Variants in PITPNB observed in about 807,000 individuals in gnomAD.
PITPNB encodes the protein phosphatidylinositol transfer protein beta.
A neutral mutation model predicts 45.9 loss-of-function variants in PITPNB; 16 were observed. The observed-to-expected ratio is 0.35, with a 90% CI of 0.24 to 0.53. The LOEUF is 0.53. Ranked by LOEUF, PITPNB falls within the 20% of genes least tolerant of loss-of-function variation. The pLI, the probability that PITPNB is intolerant of heterozygous loss-of-function variation, is 0.93. For synonymous variants in PITPNB, 112 were observed against 108.9 expected (o/e 1.03, Z -0.18); for missense variants, 188 against 330.5 (o/e 0.57, Z 3.34).
At chr22:27,865,013 T>C (rs1341687581) in intron 8 of PITPNB, among the ~76,000 whole-genome samples, 1 of 151,450 alleles carries the variant, frequency 6.6e-6, no homozygotes, top group Non-Finnish European at 1.5e-5. Context: ...AAAAGGAGAA[T>C]TAATATAAAT....
intron 3 of PITPNB, among the ~76,000 whole-genome samples, chr22:27,907,830 C>T (rs567404581): frequency 2.6e-5 from 4 of 152,042 alleles, no homozygotes; most frequent in Non-Finnish European, 5.9e-5. Context: ...TAAATACGTG[C>T]CTTAGTGTCT....
intron 7 of PITPNB, among the ~76,000 whole-genome samples, chr22:27,887,452 GCCATTCAAC>G (rs540549172): frequency 4.6e-4 from 70 of 152,186 alleles, no homozygotes; most frequent in African/African-American, 1.7e-3. Flanking sequence ...TCTGGATCTG[GCCATTCAAC>G]CATCCAACCT....
At chr22:27,918,687 G>A (rs1936163406) in intron 1 of PITPNB, among the ~76,000 whole-genome samples, 1 of 152,176 alleles carries the variant, frequency 6.6e-6, no homozygotes, top group Non-Finnish European at 1.5e-5. Flanking sequence ...GCGTCCCACC[G>A]CGAGTCCTGA....
At chr22:27,918,370 C>T (rs1936149019) in intron 1 of PITPNB, among the ~76,000 whole-genome samples, 1 of 152,208 alleles carries the variant, frequency 6.6e-6, no homozygotes, top group South Asian at 2.1e-4. Flanking sequence ...GCTGACGACA[C>T]GAACCAGCTG....
intron 8 of PITPNB, among the ~76,000 whole-genome samples, chr22:27,865,795 TC>T (rs764426852): frequency 7.2e-5 from 11 of 152,042 alleles, no homozygotes; most frequent in Non-Finnish European, 1.3e-4. Flanking sequence ...GTACAACAAA[TC>T]CCCGTGACAT....
At chr22:27,913,253 A>T (rs1009634581) in intron 2 of PITPNB, among the ~76,000 whole-genome samples, 1 of 152,176 alleles carries the variant, frequency 6.6e-6, no homozygotes, top group African/African-American at 2.4e-5. Flanking sequence ...GTTCAAGTCT[A>T]CACTAAACAG....
At chr22:27,907,802 A>G (rs1052417359) in intron 3 of PITPNB, among the ~76,000 whole-genome samples, 22 of 152,068 alleles carry the variant, frequency 1.4e-4, no homozygotes, top group Non-Finnish European at 2.9e-4. Flanking sequence ...TCTGTCACTT[A>G]TTAGCTGTGA....
rs1003733348 is a variant in PITPNB, at chr22:27,852,630, G to A, written c.*1072C>T. ...TCACTATCTCCTCCTTGAAGTGTGTGTTCCCACAAGAAGAGCAAAATGTCA... is the reference window on the plus strand; with the variant it reads ...TCACTATCTCCTCCTTGAAGTGTGTATTCCCACAAGAAGAGCAAAATGTCA... On this transcript the variant is annotated 3_prime_UTR_variant, in exon 12 of 12. Transcript: ENST00000335272. The A allele has an allele frequency of 1.3e-4, 20 of 152,314 alleles. No individual in the cohort carries two copies. Among genetic ancestry groups the A allele is most frequent in the Admixed American group, 1.1e-3 (17 of 15,292 alleles). 9.4% of individuals were successfully genotyped at this position (152,314 alleles called of 1,614,324 possible).
At chr22:27,858,562 A>G in intron 9 of PITPNB, 53 bp from the exon 10 acceptor site, 1 of 1,431,236 alleles carries the variant, frequency 7.0e-7, no homozygotes, top group Non-Finnish European at 9.7e-7. Flanking sequence ...CCTAAGATTA[A>G]TGACACATTA....
At chr22:27,880,823 T>C (rs2146377039) in intron 7 of PITPNB, among the ~76,000 whole-genome samples, 1 of 152,326 alleles carries the variant, frequency 6.6e-6, no homozygotes, top group African/African-American at 2.4e-5. Flanking sequence ...GGTTTCTCCA[T>C]GTTGGTCAGG....
intron 3 of PITPNB, among the ~76,000 whole-genome samples, chr22:27,900,308 C>T (rs370780665): frequency 1.3e-5 from 2 of 151,876 alleles, no homozygotes; most frequent in South Asian, 2.1e-4. Flanking sequence ...TCCTATAGTG[C>T]CTGATATGTG....
intron 2 of PITPNB, among the ~76,000 whole-genome samples, chr22:27,913,129 G>C (rs1214845914): frequency 6.6e-6 from 1 of 152,022 alleles, no homozygotes; most frequent in Non-Finnish European, 1.5e-5. Context: ...ACAGAAACAA[G>C]TGTCAATTTC....
intron 7 of PITPNB, among the ~76,000 whole-genome samples, chr22:27,893,245 A>G (rs1438716109): frequency 6.6e-6 from 1 of 151,700 alleles, no homozygotes; most frequent in African/African-American, 2.4e-5. Flanking sequence ...CCACATTAAT[A>G]TTCATAAACT....
At chr22:27,869,910 T>G (rs1182265628) in intron 8 of PITPNB, among the ~76,000 whole-genome samples, 1 of 152,160 alleles carries the variant, frequency 6.6e-6, no homozygotes, top group Non-Finnish European at 1.5e-5. Flanking sequence ...GGATCTCCCT[T>G]AGTGCCTCCG....
chr22:27,895,875 G>A (rs1376297946), intron 6 of PITPNB, among the ~76,000 whole-genome samples: 1 of 152,164 alleles, frequency 6.6e-6, no homozygotes, highest in East Asian at 1.9e-4. Context: ...CAAGTCCTCA[G>A]ATACTGTGCT....
At chr22:27,908,663 A>G (rs1055523022) in intron 3 of PITPNB, among the ~76,000 whole-genome samples, 1 of 152,140 alleles carries the variant, frequency 6.6e-6, no homozygotes, top group Non-Finnish European at 1.5e-5. Flanking sequence ...CAAAAATGCT[A>G]GAAAAAGAAA....
At chr22:27,887,155 A>C (rs1311466934) in intron 7 of PITPNB, among the ~76,000 whole-genome samples, 2 of 152,230 alleles carry the variant, frequency 1.3e-5, no homozygotes, top group East Asian at 3.8e-4. Flanking sequence ...GATATTCACA[A>C]CTGCATAGGT....
intron 8 of PITPNB, among the ~76,000 whole-genome samples, chr22:27,873,072 A>G (rs1934714520): frequency 6.6e-6 from 1 of 152,214 alleles, no homozygotes. Context: ...GTTCGAGACC[A>G]GCCTGACCAA....
intron 7 of PITPNB, among the ~76,000 whole-genome samples, chr22:27,876,306 G>A (rs1934817288): frequency 6.6e-6 from 1 of 152,168 alleles, no homozygotes; most frequent in African/African-American, 2.4e-5. Flanking sequence ...ACAACTGTGT[G>A]TATGTAAAAT....
Sources: allele counts gnomAD v4.1 joint callset (sites outside exome capture counted in the v4.1 genomes callset), GRCh38; gene constraint gnomAD v4.1.1; transcripts MANE v1.5; gene names NCBI Gene and HGNC (gene_info 2026-07-23, HGNC 2026-07-21).